Variants in CEP128 observed in about 807,000 individuals in gnomAD.
CEP128 encodes centrosomal protein 128kDa.
Under a neutral mutation model 156.7 loss-of-function variants are expected in CEP128, and 132 were observed. The ratio of observed to expected loss-of-function variants is 0.84; its 90% CI spans 0.73 to 0.97. The LOEUF (loss-of-function observed/expected upper bound fraction) is 0.97, where lower values mean the gene tolerates loss of function less well. Ranked by LOEUF, CEP128 falls within the 50% of genes least tolerant of loss-of-function variation. The pLI is 0.00. For synonymous variants in CEP128, 469 were observed against 448.9 expected, an observed-to-expected ratio of 1.04 and a Z score of -0.57; for missense variants, 1,252 against 1,281.9, an observed-to-expected ratio of 0.98 and a Z score of 0.36.
At chr14:80,793,870 A>C (rs1901848125) in intron 13 of CEP128, among the ~76,000 whole-genome samples, 2 of 152,236 alleles carry the variant, frequency 1.3e-5, no homozygotes, top group South Asian at 4.1e-4. Flanking sequence ...ATCTATTTTA[A>C]GTTTAAACAT....
intron 16 of CEP128, among the ~76,000 whole-genome samples, chr14:80,768,228 G>A (rs190044212): frequency 6.3e-4 from 96 of 152,198 alleles, no homozygotes; most frequent in African/African-American, 2.2e-3. Flanking sequence ...AATTCATTGA[G>A]GACAATCACC....
chr14:80,681,562 C>T (rs192259950), intron 19 of CEP128, among the ~76,000 whole-genome samples: 27 of 152,264 alleles, frequency 1.8e-4, no homozygotes, highest in African/African-American at 7.2e-5. Context: ...AATTGAATCA[C>T]GGGGGTGGTT....
chr14:80,613,192 G>C (rs1893069012), intron 19 of CEP128, among the ~76,000 whole-genome samples: 1 of 150,148 alleles, frequency 6.7e-6, no homozygotes, highest in Non-Finnish European at 1.5e-5. Flanking sequence ...AAAAGTACTT[G>C]TTAAGTAATG....
In CEP128 at chr14:80,909,592, C is replaced by T. The variant is rs532487269; in HGVS notation, c.235-3511G>A. Among the ~76,000 whole-genome samples, 10 of 152,140 alleles carry T rather than the reference C, an allele frequency of 6.6e-5. No homozygotes were observed. In the East Asian group the frequency reaches 1.5e-3, roughly 24 times the overall value. On this transcript the variant is annotated intron_variant, in intron 4 of 24. Coordinates refer to ENST00000555265, the MANE Select transcript of CEP128 (RefSeq NM_152446.5). The stretch of plus-strand genomic sequence containing the variant: ...TTTTAAGGTCCAAAAAATAAAATTA[C>T]GTTATGTAAAGGGAGATGAATGAAA...
intron 12 of CEP128, 37 bp from the exon 13 acceptor site, chr14:80,831,331 T>G (rs1184493314): frequency 6.2e-7 from 1 of 1,604,666 alleles, no homozygotes; most frequent in East Asian, 2.2e-5. Context: ...GGGTTGTTCT[T>G]TATTCACAGA....
chr14:80,540,795 T>G (rs1594971375), intron 21 of CEP128, among the ~76,000 whole-genome samples: 1 of 152,048 alleles, frequency 6.6e-6, no homozygotes, highest in South Asian at 2.1e-4. Flanking sequence ...TAGCAGAAAC[T>G]CTGAGACCCA....
At position 80,955,804 on chromosome 14, in the gene CEP128, A is replaced by T. The variant is rs766387143; in HGVS notation, c.-172+2374T>A. The T allele has an allele frequency of 2.5e-6, 4 of 1,614,084 alleles. No homozygotes were observed. In the African/African-American group the frequency reaches 5.3e-5, roughly 22 times the overall value. On this transcript the variant is annotated intron_variant, in intron 2 of 7. Coordinates refer to the CEP128 transcript ENST00000555529. ...GGAGGAGGACTTCAGAGTCACCTGC[A>T]AGGATATTCAACGCATCCCCAGCTT...
chr14:80,732,927 T>C (rs1898348323), intron 19 of CEP128, among the ~76,000 whole-genome samples: 1 of 144,954 alleles, frequency 6.9e-6, no homozygotes, highest in Admixed American at 6.9e-5. Flanking sequence ...AAAGGTGGTA[T>C]AAAGGTTAAT....
chr14:80,653,272 G>A (rs766342282), intron 19 of CEP128, among the ~76,000 whole-genome samples: 4 of 152,004 alleles, frequency 2.6e-5, no homozygotes, highest in South Asian at 2.1e-4. Flanking sequence ...ACCATGGCAC[G>A]TTTATACCTA....
At chr14:80,611,508 C>G (rs192724936) in intron 19 of CEP128, among the ~76,000 whole-genome samples, 1 of 151,894 alleles carries the variant, frequency 6.6e-6, no homozygotes, top group Non-Finnish European at 1.5e-5. Context: ...TACCACAAAT[C>G]TTAGATTATG....
At chr14:80,680,454 G>A (rs1896274730) in intron 19 of CEP128, among the ~76,000 whole-genome samples, 1 of 151,982 alleles carries the variant, frequency 6.6e-6, no homozygotes, top group Admixed American at 6.6e-5. Context: ...CAGAGTACTC[G>A]CTCACCTGGT....
chr14:80,946,885 C>G (rs973050515), intron 2 of CEP128, among the ~76,000 whole-genome samples: 1 of 152,170 alleles, frequency 6.6e-6, no homozygotes, highest in African/African-American at 2.4e-5. Flanking sequence ...GTGATTGGAT[C>G]ACAGCAGTGG....
At chr14:80,901,344 TATA>T (rs1244695664) in intron 6 of CEP128, among the ~76,000 whole-genome samples, 1 of 152,220 alleles carries the variant, frequency 6.6e-6, no homozygotes, top group Non-Finnish European at 1.5e-5. Flanking sequence ...TAGTATGATT[TATA>T]ATAAAACTAC....
At chr14:80,550,043 T>C (rs759199620) in intron 21 of CEP128, among the ~76,000 whole-genome samples, 2 of 152,212 alleles carry the variant, frequency 1.3e-5, no homozygotes, top group Non-Finnish European at 2.9e-5. Flanking sequence ...TTCAGAGATA[T>C]GCTTCAGACT....
chr14:80,920,098 C>A (rs1884773493), intron 2 of CEP128, among the ~76,000 whole-genome samples: 1 of 152,172 alleles, frequency 6.6e-6, no homozygotes, highest in South Asian at 2.1e-4. Context: ...AGATTATTTA[C>A]ATTGTTGATA....
rs563817512 is a variant in CEP128, at chr14:80,689,815, T to C, written c.2806+53260A>G. Among the ~76,000 whole-genome samples the C allele has an allele frequency of 2.0e-3, 308 of 152,172 alleles. 2 individuals are homozygous for C. The highest frequency in any genetic ancestry group is 7.2e-3 in the African/African-American group (299 of 41,506). ...TTAAAATATTTCAAAATAAAATGTA[T>C]TAATTTATACATCCATGAATTAAAA... is the stretch of plus-strand genomic sequence containing the variant. On this transcript the variant is annotated intron_variant, in intron 19 of 24. Coordinates refer to ENST00000555265, the MANE Select transcript of CEP128 (RefSeq NM_152446.5).
rs572656347 is a variant in CEP128 at position 80,877,866 on chromosome 14, C to T, written c.646-14993G>A. ...CTCACAACAGTTGCCACAGACAAGACAATACCCACCCCCCACCGCAGGTAC... is the reference window on the plus strand; with the variant it reads ...CTCACAACAGTTGCCACAGACAAGATAATACCCACCCCCCACCGCAGGTAC... On this transcript the variant is annotated intron_variant, in intron 8 of 24. Coordinates refer to ENST00000555265, the MANE Select transcript of CEP128 (RefSeq NM_152446.5). 5.3e-5 allele frequency among the ~76,000 whole-genome samples: 8 copies of T among 152,234 alleles called. No individual in the cohort carries two copies. In the South Asian group the frequency reaches 8.3e-4, roughly 16 times the overall value.
At chr14:80,796,862 A>G (rs564047279) in intron 13 of CEP128, among the ~76,000 whole-genome samples, 1 of 152,348 alleles carries the variant, frequency 6.6e-6, no homozygotes, top group Non-Finnish European at 1.5e-5. Context: ...TTAGCAAGTC[A>G]AGAAGTAAAC....
At chr14:80,522,074 G>T (rs1235195618) in intron 23 of CEP128, among the ~76,000 whole-genome samples, 1 of 152,140 alleles carries the variant, frequency 6.6e-6, no homozygotes, top group Non-Finnish European at 1.5e-5. Flanking sequence ...TCCTCCCATG[G>T]TTGCCACTAC....
Sources: allele counts gnomAD v4.1 joint callset (sites outside exome capture counted in the v4.1 genomes callset), GRCh38; gene constraint gnomAD v4.1.1; transcripts MANE v1.5; gene names NCBI Gene and HGNC (gene_info 2026-07-23, HGNC 2026-07-21).